Variants in NELL1 observed in about 807,000 individuals in gnomAD.
The protein encoded by NELL1 is neural EGFL like 1, also known as protein kinase C-binding protein NELL1.
Under a neutral mutation model 107.4 loss-of-function variants are expected in NELL1, and 76 were observed. The ratio of observed to expected loss-of-function variants is 0.71; its 90% CI spans 0.59 to 0.86. The LOEUF is 0.86. NELL1 is among the 40% of genes least tolerant of loss of function. NELL1 has a pLI of 0.00. For synonymous variants in NELL1, 353 were observed against 341.2 expected (o/e 1.03, Z -0.38); for missense variants, 1,024 against 1,005.5 (o/e 1.02, Z -0.25).
intron 15 of NELL1, among the ~76,000 whole-genome samples, chr11:21,515,525 A>T (rs1351519269): frequency 6.6e-6 from 1 of 152,184 alleles, no homozygotes; most frequent in African/African-American, 2.4e-5. Flanking sequence ...TCAGAGGCAG[A>T]AGACCCCATC....
rs59239329 is a variant in NELL1, at chr11:21,361,259, A to ATT, written c.1550-9568_1550-9567dup. Among the ~76,000 whole-genome samples the ATT allele has an allele frequency of 3.1e-4, 35 of 113,576 alleles. 1 individual carries two copies. Among genetic ancestry groups the ATT allele is most frequent in the African/African-American group, 1.0e-3 (31 of 29,584 alleles). 74.5% of individuals were successfully genotyped at this position (113,576 alleles called of 152,430 possible). A position where few individuals can be genotyped will look rare whatever the true frequency, so the allele number is the denominator to read the frequency against. ...CTAGATACAAATTCCTTGTGTGACA[A>ATT]TTTTTTTTTTTTTTTTTTTTTTTTT... On this transcript the variant is annotated intron_variant, in intron 14 of 19. Transcript: ENST00000357134.
At chr11:20,736,145 C>T (rs146342761) in intron 2 of NELL1, among the ~76,000 whole-genome samples, 50 of 152,194 alleles carry the variant, frequency 3.3e-4, no homozygotes, top group Non-Finnish European at 5.9e-4. Flanking sequence ...TGAGGTCATC[C>T]ACTGAGGGCA....
At chr11:21,398,321 C>A (rs1478444583) in intron 15 of NELL1, among the ~76,000 whole-genome samples, 1 of 151,568 alleles carries the variant, frequency 6.6e-6, no homozygotes, top group Non-Finnish European at 1.5e-5. Context: ...TTTAAATGTT[C>A]ATTAAAAAAT....
Position 20,885,366 on chromosome 11 carries a change from C to T in NELL1, c.507-78C>T, listed in dbSNP as rs149313310. 2.4e-4 allele frequency: 205 copies of T among 855,192 alleles called. 1 individual carries two copies. In the African/African-American group the frequency reaches 2.4e-3, roughly 10 times the overall value. 53.0% of individuals were successfully genotyped at this position (855,192 alleles called of 1,614,324 possible). On this transcript the variant is annotated intron_variant, in intron 4 of 19. Transcript: ENST00000357134. Reference sequence around the variant, plus strand: ...TCTTCATACAGCAGCTAATGGCATGCATACTTCAAACAGCATATGCACCTT... The same window carrying T: ...TCTTCATACAGCAGCTAATGGCATGTATACTTCAAACAGCATATGCACCTT...
At chr11:21,348,086 C>A (rs1365534320) in intron 14 of NELL1, among the ~76,000 whole-genome samples, 1 of 139,160 alleles carries the variant, frequency 7.2e-6, no homozygotes, top group African/African-American at 2.6e-5. Context: ...TATTGTTGTG[C>A]AACTTGGGTT....
At chr11:21,012,604 C>T (rs1444180882) in intron 12 of NELL1, among the ~76,000 whole-genome samples, 3 of 152,104 alleles carry the variant, frequency 2.0e-5, no homozygotes, top group Non-Finnish European at 4.4e-5. Flanking sequence ...AAAAATGAGG[C>T]TGGAGTTTTA....
intron 4 of NELL1, among the ~76,000 whole-genome samples, chr11:20,870,283 T>C (rs113172453): frequency 2.6e-5 from 4 of 152,332 alleles, no homozygotes; most frequent in African/African-American, 9.6e-5. Context: ...TCTTTACCCA[T>C]TAGTTTTCTT....
intron 1 of NELL1, among the ~76,000 whole-genome samples, chr11:20,675,779 TTTC>T (rs1854039817): frequency 1.3e-5 from 2 of 152,128 alleles, no homozygotes; most frequent in Non-Finnish European, 2.9e-5. Flanking sequence ...TTTCTTTTCT[TTTC>T]TTTTTTTTTG....
At chr11:21,318,139 T>TA (rs1289562422) in intron 14 of NELL1, among the ~76,000 whole-genome samples, 1 of 152,186 alleles carries the variant, frequency 6.6e-6, no homozygotes. Flanking sequence ...ATAAGGATAT[T>TA]AATTTGTTTC....
At chr11:21,156,423 A>G (rs1856236113) in intron 13 of NELL1, among the ~76,000 whole-genome samples, 1 of 152,126 alleles carries the variant, frequency 6.6e-6, no homozygotes, top group Non-Finnish European at 1.5e-5. Context: ...ACAAGAGTTT[A>G]AGTGATGGAC....
At chr11:21,276,780 A>G (rs1312102778) in intron 14 of NELL1, among the ~76,000 whole-genome samples, 5 of 152,234 alleles carry the variant, frequency 3.3e-5, no homozygotes, top group African/African-American at 1.2e-4. Flanking sequence ...CAAACCTGAC[A>G]AAAACAAGCA....
intron 13 of NELL1, among the ~76,000 whole-genome samples, chr11:21,182,511 A>G (rs1018022475): frequency 6.6e-6 from 1 of 151,762 alleles, no homozygotes; most frequent in Non-Finnish European, 1.5e-5. Flanking sequence ...GTCAGGAGAC[A>G]GTAACCACAC....
chr11:21,297,787 A>T (rs1849404201), intron 14 of NELL1, among the ~76,000 whole-genome samples: 1 of 152,000 alleles, frequency 6.6e-6, no homozygotes, highest in South Asian at 2.1e-4. Flanking sequence ...TGGAGGTATA[A>T]GCAGGATCTA....
intron 3 of NELL1, among the ~76,000 whole-genome samples, chr11:20,817,784 G>C (rs78823885): frequency 1.3e-5 from 2 of 151,026 alleles, no homozygotes; most frequent in Non-Finnish European, 3.0e-5. Flanking sequence ...TCTTTATACT[G>C]CTTTTGCTTC....
chr11:21,200,503 G>T (rs1169468894), intron 13 of NELL1, among the ~76,000 whole-genome samples: 7 of 151,734 alleles, frequency 4.6e-5, no homozygotes. Flanking sequence ...TTGTAAATTT[G>T]TTGAAGTTCT....
chr11:21,288,494 A>T (rs1849178879), intron 14 of NELL1, among the ~76,000 whole-genome samples: 1 of 152,154 alleles, frequency 6.6e-6, no homozygotes, highest in South Asian at 2.1e-4. Context: ...TGTTTTGGTT[A>T]CTGGTCTTAC....
chr11:21,304,237 G>C (rs185652101), intron 14 of NELL1, among the ~76,000 whole-genome samples: 1 of 151,966 alleles, frequency 6.6e-6, no homozygotes, highest in Non-Finnish European at 1.5e-5. Flanking sequence ...CATGTACTTA[G>C]ACTATTCCAC....
At chr11:21,478,001 C>G (rs1408290060) in intron 15 of NELL1, among the ~76,000 whole-genome samples, 2 of 151,724 alleles carry the variant, frequency 1.3e-5, no homozygotes, top group African/African-American at 4.8e-5. Context: ...TTTCACACTG[C>G]TATAAAGATA....
intron 2 of NELL1, among the ~76,000 whole-genome samples, chr11:20,771,078 G>A (rs327015): frequency 1.3e-5 from 2 of 151,556 alleles, no homozygotes; most frequent in African/African-American, 4.8e-5. Context: ...AGCTTACTAA[G>A]CCCCCTCCAT....
Sources: gnomAD v4.1 joint callset for allele counts (sites outside exome capture counted in the v4.1 genomes callset) on GRCh38, gnomAD v4.1.1 for gene constraint, MANE v1.5 for transcripts, NCBI Gene and HGNC (gene_info 2026-07-23, HGNC 2026-07-21) for gene names.